The following SPON1 variants were observed in gnomAD, a reference collection of about 807,000 sequenced individuals.
SPON1 encodes spondin-1.
In SPON1, 52 loss-of-function variants were observed where a neutral mutation model predicts 111.7. That is an observed-to-expected ratio of 0.47 (90% confidence interval 0.37 to 0.59). The LOEUF is 0.59. Among genes scored for constraint, SPON1 ranks in the 20% least tolerant of loss-of-function variants. The pLI is 0.00. For synonymous variants in SPON1, 410 were observed against 395.8 expected, an observed-to-expected ratio of 1.04 and a Z score of -0.43; for missense variants, 957 against 1,068.5, an observed-to-expected ratio of 0.90 and a Z score of 1.46.
chr11:14,034,579 G>A (rs10766131), intron 2 of SPON1, among the ~76,000 whole-genome samples: 44,799 of 152,122 alleles, frequency 0.29, 7,770 homozygotes, highest in South Asian at 0.5. Context: ...ATAAACAACC[G>A]TATTTACCTG....
Position 14,072,362 on chromosome 11 carries a change from A to G in SPON1, c.480-2983A>G, listed in dbSNP as rs118130025. On this transcript the variant is annotated intron_variant, in intron 3 of 15. Transcript: ENST00000576479. ...CTAGTCCCCCAAAATTTTTATAATC[A>G]TATATTTCAAAAATTTGAGGGCAAT... Among the ~76,000 whole-genome samples, 88 of 152,244 alleles carry G rather than the reference A, an allele frequency of 5.8e-4. No homozygotes were observed. The East Asian group carries it at 0.016, about 27-fold the overall frequency.
At chr11:14,141,029 C>CCCCCCCTCCCCCCCCCCCCCCA (rs71041572) in intron 6 of SPON1, among the ~76,000 whole-genome samples, 1 of 132,274 alleles carries the variant, frequency 7.6e-6, no homozygotes, top group Non-Finnish European at 1.6e-5. Context: ...GTGCCCCCCC[C>CCCCCCCTCCCCCCCCCCCCCCA]ATGCCCCACT....
intron 6 of SPON1, among the ~76,000 whole-genome samples, chr11:14,175,548 T>G (rs1848165649): frequency 6.6e-6 from 1 of 152,126 alleles, no homozygotes; most frequent in Non-Finnish European, 1.5e-5. Context: ...TATTACAAAG[T>G]ACACCAGATT....
chr11:14,063,012 T>C (rs1160515253), intron 3 of SPON1, among the ~76,000 whole-genome samples: 1 of 151,890 alleles, frequency 6.6e-6, no homozygotes, highest in Admixed American at 6.6e-5. Flanking sequence ...CCTCTTTTTT[T>C]CCTCTCTTCT....
intron 1 of SPON1, among the ~76,000 whole-genome samples, chr11:13,966,480 G>T (rs1183617840): frequency 1.3e-5 from 2 of 152,154 alleles, no homozygotes; most frequent in Non-Finnish European, 2.9e-5. Flanking sequence ...TGTTTATTAG[G>T]AAAATAAAGT....
At chr11:14,105,839 G>C (rs547368052) in intron 5 of SPON1, among the ~76,000 whole-genome samples, 4 of 152,278 alleles carry the variant, frequency 2.6e-5, no homozygotes, top group African/African-American at 9.6e-5. Context: ...AGCACATCAT[G>C]TCCTAAATAA....
intron 5 of SPON1, among the ~76,000 whole-genome samples, chr11:14,122,833 G>A (rs542645483): frequency 9.2e-5 from 14 of 151,852 alleles, no homozygotes; most frequent in African/African-American, 2.7e-4. Context: ...GTTCTTGTAC[G>A]TTAGTTCCAC....
At position 14,259,575 on chromosome 11, in the gene SPON1, G is replaced by A. The variant is rs968921467; in HGVS notation, c.1705G>A (p.Glu569Lys). 38 of 1,553,344 alleles carry A rather than the reference G, an allele frequency of 2.4e-5. No individual in the cohort carries two copies. Among genetic ancestry groups the A allele is most frequent in the Non-Finnish European group, 3.1e-5 (36 of 1,148,640 alleles). ...CLMTEWGEWD[E>K]CSATCGMGMK... The stretch of plus-strand genomic sequence containing the variant: ...GATGACCGAGTGGGGCGAGTGGGAC[G>A]AGTGCAGCGCCACCTGCGGCATGGG... Residue 569 changes from glutamate (E) to lysine (K), a missense_variant, in exon 13 of 16, where the codon GAG becomes AAG. Transcript: ENST00000576479. The surrounding 1 kb of genome is among the most constrained non-coding windows in gnomAD (Gnocchi z 5.0).
At chr11:13,985,974 A>C (rs942362908) in intron 2 of SPON1, among the ~76,000 whole-genome samples, 1 of 152,168 alleles carries the variant, frequency 6.6e-6, no homozygotes, top group South Asian at 2.1e-4. Flanking sequence ...TGTGGCCCCC[A>C]TGCTGTCCCT....
chr11:14,125,980 T>G (rs1208278155), intron 5 of SPON1, among the ~76,000 whole-genome samples: 1 of 152,148 alleles, frequency 6.6e-6, no homozygotes, highest in Non-Finnish European at 1.5e-5. Flanking sequence ...AGCCAGTGTT[T>G]TAGTTTAAGT....
chr11:14,106,543 C>T lies in SPON1; in HGVS notation c.676+26522C>T, dbSNP rs184425498. Among the ~76,000 whole-genome samples the T allele has an allele frequency of 4.7e-4, 72 of 152,284 alleles. No individual in the cohort carries two copies. The East Asian group carries it at 0.013, about 28-fold the overall frequency. On this transcript the variant is annotated intron_variant, in intron 5 of 15. Transcript: ENST00000576479. ...AAGGTCTCTGCCAGCCACTACAGTC[C>T]TGGCATACATCCCTCCCAATCTGCA... is the stretch of plus-strand genomic sequence containing the variant.
chr11:14,144,100 TTGG>T (rs1358160266), intron 6 of SPON1, among the ~76,000 whole-genome samples: 69 of 152,336 alleles, frequency 4.5e-4, no homozygotes, highest in African/African-American at 1.5e-3. Context: ...ATTACCTCTG[TTGG>T]TTATGAAATA....
intron 5 of SPON1, among the ~76,000 whole-genome samples, chr11:14,114,337 G>C (rs1276992911): frequency 6.6e-6 from 1 of 152,204 alleles, no homozygotes; most frequent in Non-Finnish European, 1.5e-5. Flanking sequence ...AACAAATAAA[G>C]TTCTGATGCT....
At chr11:14,168,715 T>C (rs1848062905) in intron 6 of SPON1, among the ~76,000 whole-genome samples, 1 of 145,994 alleles carries the variant, frequency 6.8e-6, no homozygotes, top group Non-Finnish European at 1.5e-5. Flanking sequence ...TGTGTTCTCA[T>C]TGTTCAATTC....
In SPON1 at chr11:14,136,676, G is replaced by A. The variant is rs11824400; in HGVS notation, c.825+1108G>A. On this transcript the variant is annotated intron_variant, in intron 6 of 15. Coordinates refer to ENST00000576479, the MANE Select transcript of SPON1 (RefSeq NM_006108.4). The stretch of plus-strand genomic sequence containing the variant: ...TGAGGAATCAGTTTGGACTAGAGTC[G>A]AAAAATGCCCCAGAATGAGCTTATG... 5.0e-3 allele frequency among the ~76,000 whole-genome samples: 758 copies of A among 152,278 alleles called. 9 individuals are homozygous for A. The highest frequency in any genetic ancestry group is 0.017 in the African/African-American group (692 of 41,556).
chr11:13,966,908 A>G (rs542145520), intron 1 of SPON1, among the ~76,000 whole-genome samples: 28 of 152,350 alleles, frequency 1.8e-4, no homozygotes, highest in African/African-American at 6.0e-4. Flanking sequence ...GTCAAAAGAA[A>G]TTGTCACACA....
At chr11:14,251,319 C>G in intron 7 of SPON1, among the ~76,000 whole-genome samples, 1 of 152,338 alleles carries the variant, frequency 6.6e-6, no homozygotes, top group South Asian at 2.1e-4. Context: ...GGCCGCCCCA[C>G]GTTTCCCACA....
At chr11:14,095,402 G>T (rs981879044) in intron 5 of SPON1, among the ~76,000 whole-genome samples, 7 of 136,514 alleles carry the variant, frequency 5.1e-5, no homozygotes, top group Non-Finnish European at 7.8e-5. Context: ...ATAAATGAGA[G>T]ACTAGATAGA....
rs1342148946 is a variant in SPON1 at position 14,160,419 on chromosome 11, A to T, written c.825+24851A>T. On this transcript the variant is annotated intron_variant, in intron 6 of 15. Coordinates refer to ENST00000576479, the MANE Select transcript of SPON1 (RefSeq NM_006108.4). ...TATATATATTTATATATATATATTTATATATATATATTTATATATATATTT... is the reference window on the plus strand; with the variant it reads ...TATATATATTTATATATATATATTTTTATATATATATTTATATATATATTT... 9.6e-5 allele frequency among the ~76,000 whole-genome samples: 4 copies of T among 41,784 alleles called. 1 individual carries two copies. Among genetic ancestry groups the T allele is most frequent in the East Asian group, 1.2e-3 (2 of 1,654 alleles). The allele number at this position is 41,784 out of a possible 152,430, so 27.4% of individuals were successfully genotyped here.
Sources: gnomAD v4.1 joint callset for allele counts (sites outside exome capture counted in the v4.1 genomes callset) on GRCh38, gnomAD v4.1.1 for gene constraint, Gnocchi (gnomAD v3.1) non-coding constraint, MANE v1.5 for transcripts, NCBI Gene and HGNC (gene_info 2026-07-23, HGNC 2026-07-21) for gene names.